DYNC2H1: variants seen among roughly 807,000 people sequenced by gnomAD.
The protein encoded by DYNC2H1 is cytoplasmic dynein 2 heavy chain 1.
DYNC2H1 carries 410 observed loss-of-function variants against 570.0 expected under a neutral mutation model. The observed-to-expected ratio is 0.72, with a 90% CI of 0.66 to 0.78. The LOEUF (loss-of-function observed/expected upper bound fraction) is 0.78, where lower values mean the gene tolerates loss of function less well. Ranked by LOEUF, DYNC2H1 falls within the 30% of genes least tolerant of loss-of-function variation. The probability of loss-of-function intolerance (pLI) is 0.00; values close to 1 mark genes in which losing one functional copy is unlikely to be tolerated. For synonymous variants in DYNC2H1, 1,688 were observed against 1,677.6 expected (o/e 1.01, Z -0.15); for missense variants, 4,865 against 5,046.4 (o/e 0.96, Z 1.09).
At chr11:103,285,249 G>A (rs893730786) in intron 73 of DYNC2H1, among the ~76,000 whole-genome samples, 2 of 152,072 alleles carry the variant, frequency 1.3e-5, no homozygotes, top group African/African-American at 4.8e-5. Flanking sequence ...TTGTACCCAA[G>A]AAGCAGGGTA....
rs5794210 is a variant in DYNC2H1 at position 103,155,311 on chromosome 11, C to CT, written c.3574-8dup. On this transcript the variant is annotated intron_variant, in intron 24 of 88. Transcript: ENST00000375735. ...TATATGTGTATACATATGACTTTTT[C>CT]TTTTTTTTTTTTGTAACAGATCGTA... is the stretch of plus-strand genomic sequence containing the variant. 2,608 of 1,275,240 alleles carry CT rather than the reference C, an allele frequency of 2.0e-3. No individual in the cohort carries two copies. The highest frequency in any genetic ancestry group is 4.2e-3 in the South Asian group (278 of 66,696). 79.0% of individuals were successfully genotyped at this position (1,275,240 alleles called of 1,614,324 possible).
chr11:103,197,622 A>G (rs1171032360), intron 47 of DYNC2H1, among the ~76,000 whole-genome samples: 1 of 151,878 alleles, frequency 6.6e-6, no homozygotes, highest in Non-Finnish European at 1.5e-5. Context: ...TAATTTTTAA[A>G]TTTTTTATAG....
rs929414819 is a variant in DYNC2H1, at chr11:103,363,516, T to C, written c.12156+5157T>C. Among the ~76,000 whole-genome samples the C allele has an allele frequency of 3.3e-5, 5 of 152,228 alleles. No individual in the cohort carries two copies. The East Asian group carries it at 9.6e-4, about 29-fold the overall frequency. ...AACTCTTATTCTAAAAAAAATGTTT[T>C]CCGAGTTTGTTCTTTCCCAAACTTG... On this transcript the variant is annotated intron_variant, in intron 83 of 88. Transcript: ENST00000375735. The surrounding 1 kb of genome is among the most constrained non-coding windows in gnomAD (Gnocchi z 5.6).
chr11:103,202,698 A>C (rs1400329597), intron 50 of DYNC2H1, among the ~76,000 whole-genome samples: 1 of 152,186 alleles, frequency 6.6e-6, no homozygotes, highest in East Asian at 1.9e-4. Flanking sequence ...CCTTATATGA[A>C]TGCATTATTT....
rs115781436 is a variant in DYNC2H1 at position 103,150,401 on chromosome 11, A to G, written c.2947-1735A>G. ...GTAGTGGTAGTGGAGATAGAACTAT[A>G]TCTCCACTGATTGATGATGTATAGG... On this transcript the variant is annotated intron_variant, in intron 20 of 88. Transcript: ENST00000375735. 5.7e-3 allele frequency among the ~76,000 whole-genome samples: 873 copies of G among 152,258 alleles called. 6 individuals carry two copies. Among genetic ancestry groups the G allele is most frequent in the African/African-American group, 0.02 (819 of 41,560 alleles).
chr11:103,443,948 CT>C (rs933847785), intron 85 of DYNC2H1, among the ~76,000 whole-genome samples: 1 of 151,758 alleles, frequency 6.6e-6, no homozygotes, highest in Non-Finnish European at 1.5e-5. Flanking sequence ...CCACATAACT[CT>C]TCCTCTTAAA....
At chr11:103,117,524 T>A in intron 5 of DYNC2H1, 107 bp from the exon 6 acceptor site, 1 of 907,928 alleles carries the variant, frequency 1.1e-6, no homozygotes, top group Non-Finnish European at 1.6e-6. Flanking sequence ...AGATCCTTAG[T>A]TGGCTAATTT....
In DYNC2H1 at chr11:103,289,872, C is replaced by G. The variant is rs887741873; in HGVS notation, c.11095+2267C>G. On this transcript the variant is annotated intron_variant, in intron 75 of 88. Transcript: ENST00000375735. This position sits in a 1 kb window ranked among gnomAD's most constrained non-coding sequence, Gnocchi z 4.2. ...ATATTTGGACTGAGTGTTCCTCAAT[C>G]CAATATGATTGGTGTCCTTACAAGA... Among the ~76,000 whole-genome samples, 1 of 152,016 alleles carries G rather than the reference C, an allele frequency of 6.6e-6. No individual in the cohort carries two copies. Among genetic ancestry groups the G allele is most frequent in the Non-Finnish European group, 1.5e-5 (1 of 67,996 alleles).
At chr11:103,447,461 G>A (rs1332064743) in intron 85 of DYNC2H1, among the ~76,000 whole-genome samples, 2 of 152,098 alleles carry the variant, frequency 1.3e-5, no homozygotes, top group Admixed American at 6.6e-5. Context: ...TTTTCAGTAC[G>A]CTACACAATG....
chr11:103,179,943 T>G (rs1206522955), intron 39 of DYNC2H1, among the ~76,000 whole-genome samples: 1 of 151,750 alleles, frequency 6.6e-6, no homozygotes, highest in Non-Finnish European at 1.5e-5. Context: ...ATTTTATTTT[T>G]TTTAGTACCA....
At chr11:103,447,487 A>G (rs78384088) in intron 85 of DYNC2H1, among the ~76,000 whole-genome samples, 4,152 of 152,220 alleles carry the variant, frequency 0.027, 124 homozygotes, top group African/African-American at 0.07. Flanking sequence ...AACCATTAAC[A>G]TAACCCAGTC....
intron 84 of DYNC2H1, among the ~76,000 whole-genome samples, chr11:103,409,358 G>A (rs1942992796): frequency 6.6e-6 from 1 of 151,990 alleles, no homozygotes; most frequent in South Asian, 2.1e-4. Context: ...CTTCTATTAA[G>A]TAATAGATTA....
At position 103,324,725 on chromosome 11, in the gene DYNC2H1, C is replaced by G. The variant is rs964848955; in HGVS notation, c.12039+735C>G. 6.6e-6 allele frequency among the ~76,000 whole-genome samples: 1 copy of G among 152,116 alleles called. No individual in the cohort carries two copies. Among genetic ancestry groups the G allele is most frequent in the Admixed American group, 6.6e-5 (1 of 15,264 alleles). On this transcript the variant is annotated intron_variant, in intron 82 of 88. Coordinates refer to ENST00000375735, the MANE Select transcript of DYNC2H1 (RefSeq NM_001377.3). This position sits in a 1 kb window ranked among gnomAD's most constrained non-coding sequence, Gnocchi z 5.2. Reference sequence around the variant, plus strand: ...CCATTTATATTCCTTTGAGTATATACCCAATAATGGGATTTCTGGGTCAAA... The same window carrying G: ...CCATTTATATTCCTTTGAGTATATAGCCAATAATGGGATTTCTGGGTCAAA...
At chr11:103,478,928 C>T (rs746869348) in intron 88 of DYNC2H1, among the ~76,000 whole-genome samples, 167 bp from the exon 89 acceptor site, 2 of 152,082 alleles carry the variant, frequency 1.3e-5, no homozygotes, top group Non-Finnish European at 2.9e-5. Flanking sequence ...AAATAAAACA[C>T]GATAGGCCAT....
intron 85 of DYNC2H1, among the ~76,000 whole-genome samples, chr11:103,444,107 A>G (rs1056722015): frequency 7.3e-5 from 11 of 151,438 alleles, no homozygotes; most frequent in African/African-American, 2.4e-4. Context: ...ATTTTTATTA[A>G]TATTTCTTGA....
intron 70 of DYNC2H1, among the ~76,000 whole-genome samples, chr11:103,265,628 A>G (rs1865476739): frequency 6.6e-6 from 1 of 151,942 alleles, no homozygotes; most frequent in Non-Finnish European, 1.5e-5. Flanking sequence ...TTTATTTTGA[A>G]TTCTATTATC....
intron 70 of DYNC2H1, among the ~76,000 whole-genome samples, chr11:103,270,229 A>C (rs1388693462): frequency 6.6e-6 from 1 of 151,596 alleles, no homozygotes; most frequent in Non-Finnish European, 1.5e-5. Flanking sequence ...TAAAAGAAAG[A>C]AAATGGTTGG....
rs2134749843 is a variant in DYNC2H1, at chr11:103,129,046, G to A, written c.1953+41G>A. ...ATTTTATTATAATTAGATTTTACAT[G>A]TGAAGTGTTTAATTCTTAATTTTCC... is the stretch of plus-strand genomic sequence containing the variant. On this transcript the variant is annotated intron_variant, in intron 13 of 88. Coordinates refer to ENST00000375735, the MANE Select transcript of DYNC2H1 (RefSeq NM_001377.3). This position sits in a 1 kb window ranked among gnomAD's most constrained non-coding sequence, Gnocchi z 4.1. 1 of 1,498,114 alleles carries A rather than the reference G, an allele frequency of 6.7e-7. No homozygotes were observed. The highest frequency in any genetic ancestry group is 1.3e-5 in the South Asian group (1 of 79,526). The allele number at this position is 1,498,114 out of a possible 1,614,324, so 92.8% of individuals were successfully genotyped here. A position where few individuals can be genotyped will look rare whatever the true frequency, so the allele number is the denominator to read the frequency against.
At chr11:103,188,722 TATG>T in intron 44 of DYNC2H1, 74 bp downstream of exon 44, 1 of 1,171,072 alleles carries the variant, frequency 8.5e-7, no homozygotes, top group Non-Finnish European at 1.1e-6. Context: ...TTAAAGTATT[TATG>T]ATAATACTTT....
Sources: allele counts gnomAD v4.1 joint callset (sites outside exome capture counted in the v4.1 genomes callset), GRCh38; gene constraint gnomAD v4.1.1; non-coding constraint Gnocchi (gnomAD v3.1); transcripts MANE v1.5; gene names NCBI Gene and HGNC (gene_info 2026-07-23, HGNC 2026-07-21).